CSMD1: variants seen among roughly 807,000 people sequenced by gnomAD.
The protein encoded by CSMD1 is CUB and Sushi multiple domains 1.
In CSMD1, 213 loss-of-function variants were observed where a neutral mutation model predicts 417.5. The ratio of observed to expected loss-of-function variants is 0.51; its 90% CI spans 0.46 to 0.57. The LOEUF (loss-of-function observed/expected upper bound fraction) is 0.57, where lower values mean the gene tolerates loss of function less well. CSMD1 is among the 20% of genes least tolerant of loss of function. The pLI, the probability that CSMD1 is intolerant of heterozygous loss-of-function variation, is 0.00. For missense variants in CSMD1, 6,923 were observed against 4,529.7 expected (o/e 1.53, Z -15.17); for synonymous variants, 2,862 against 1,736.8 (o/e 1.65, Z -16.11).
chr8:4,432,517 G>C (rs1055749120), intron 2 of CSMD1, among the ~76,000 whole-genome samples: 3 of 152,130 alleles, frequency 2.0e-5, no homozygotes, highest in African/African-American at 4.8e-5. Flanking sequence ...TAAATGCTCG[G>C]AGTGTGAAAA....
At chr8:3,795,005 TAA>T (rs1799964203) in intron 5 of CSMD1, among the ~76,000 whole-genome samples, 1 of 150,414 alleles carries the variant, frequency 6.6e-6, no homozygotes, top group Non-Finnish European at 1.5e-5. Context: ...TGTATAGCTA[TAA>T]ATACATATCT....
chr8:2,944,538 C>CG (rs1802090074), intron 68 of CSMD1, among the ~76,000 whole-genome samples: 1 of 152,152 alleles, frequency 6.6e-6, no homozygotes, highest in Admixed American at 6.5e-5. Flanking sequence ...AATGTTCACA[C>CG]GGACTCATAG....
chr8:4,952,179 C>T (rs10448109), intron 1 of CSMD1, among the ~76,000 whole-genome samples: 10,535 of 151,948 alleles, frequency 0.069, 492 homozygotes, highest in African/African-American at 0.13. Context: ...CTCTCCTACA[C>T]AGGAAAAGTA....
chr8:3,377,708 T>G (rs890781167), intron 18 of CSMD1, among the ~76,000 whole-genome samples: 2 of 152,176 alleles, frequency 1.3e-5, no homozygotes, highest in African/African-American at 4.8e-5. Context: ...CTGGGATGCC[T>G]GTTCACATGC....
intron 46 of CSMD1, among the ~76,000 whole-genome samples, chr8:3,105,061 C>A (rs536401137): frequency 6.6e-6 from 1 of 152,244 alleles, no homozygotes; most frequent in African/African-American, 2.4e-5. Context: ...TGCAAAACCA[C>A]TGCGAAGTCG....
In CSMD1 at chr8:2,955,737, T is replaced by C. The variant is rs34602557; in HGVS notation, c.9846A>G (p.Ala3282=). 1.2e-6 allele frequency: 2 copies of C among 1,613,910 alleles called. No homozygotes were observed. The highest frequency in any genetic ancestry group is 8.5e-7 in the Non-Finnish European group (1 of 1,179,816). ...PHACRQPETP[A]HADVRAIDLP... The stretch of plus-strand genomic sequence containing the variant: ...GATCGATGGCTCTCACATCCGCGTG[T>C]GCCGGGGTTTCTGGCTGTCTGCAGG... The change falls in exon 64 of 70, where the codon GCA becomes GCG. Residue 3282 remains alanine (A), a synonymous_variant. Coordinates refer to ENST00000635120, the MANE Select transcript of CSMD1 (RefSeq NM_033225.6).
intron 2 of CSMD1, among the ~76,000 whole-genome samples, chr8:4,427,413 G>C (rs1323276593): frequency 6.6e-6 from 1 of 151,950 alleles, no homozygotes; most frequent in East Asian, 1.9e-4. Context: ...TGGGGTCATA[G>C]AACTCTCTTG....
chr8:3,996,512 G>A (rs1585101840), intron 5 of CSMD1, among the ~76,000 whole-genome samples: 1 of 151,718 alleles, frequency 6.6e-6, no homozygotes, highest in Non-Finnish European at 1.5e-5. Context: ...TTTGCTTTTG[G>A]CAGAACCTGT....
At chr8:3,152,222 GT>G (rs1047166178) in intron 39 of CSMD1, among the ~76,000 whole-genome samples, 2 of 152,186 alleles carry the variant, frequency 1.3e-5, no homozygotes, top group African/African-American at 4.8e-5. Flanking sequence ...CGACTCACAT[GT>G]TTTGCTACTG....
At chr8:3,306,231 G>A (rs754275304) in intron 25 of CSMD1, among the ~76,000 whole-genome samples, 4 of 151,906 alleles carry the variant, frequency 2.6e-5, no homozygotes, top group Non-Finnish European at 4.4e-5. Flanking sequence ...TGGCTTTTCT[G>A]AATAAGGACA....
chr8:4,073,658 C>A (rs1344622040), intron 3 of CSMD1, among the ~76,000 whole-genome samples: 3 of 152,180 alleles, frequency 2.0e-5, no homozygotes, highest in East Asian at 3.9e-4. Flanking sequence ...GAATAATTCT[C>A]TGAAGTATAG....
chr8:3,266,622 A>AAG, intron 26 of CSMD1, among the ~76,000 whole-genome samples: 1 of 149,624 alleles, frequency 6.7e-6, no homozygotes, highest in East Asian at 2.0e-4. Context: ...AAAAAAAAAA[A>AAG]AAAAAAGCCA....
intron 9 of CSMD1, among the ~76,000 whole-genome samples, chr8:3,585,897 G>A (rs1049415859): frequency 1.3e-5 from 2 of 152,112 alleles, no homozygotes; most frequent in African/African-American, 2.4e-5. Flanking sequence ...CTCAGTATGT[G>A]TGGATTTGCT....
chr8:4,721,630 A>G (rs561483342), intron 1 of CSMD1, among the ~76,000 whole-genome samples: 35 of 152,338 alleles, frequency 2.3e-4, no homozygotes, highest in African/African-American at 8.2e-4. Flanking sequence ...GGTATAGCCA[A>G]TAATGGAAGA....
At chr8:3,284,731 G>T in intron 25 of CSMD1, 1 of 214,998 alleles carries the variant, frequency 4.7e-6, no homozygotes, top group East Asian at 1.2e-4. Context: ...AGGCAGCTTC[G>T]GTGCAGTCAG....
At chr8:4,086,610 C>A (rs1043889701) in intron 3 of CSMD1, among the ~76,000 whole-genome samples, 3 of 152,160 alleles carry the variant, frequency 2.0e-5, no homozygotes, top group Non-Finnish European at 4.4e-5. Flanking sequence ...GAATAAAGTA[C>A]AATGCAGACG....
rs775781144 is a variant in CSMD1 at position 3,367,195 on chromosome 8, T to G, written c.2952A>C (p.Leu984Phe). 6.2e-7 allele frequency: 1 copy of G among 1,613,144 alleles called. No individual in the cohort carries two copies. The highest frequency in any genetic ancestry group is 8.5e-7 in the Non-Finnish European group (1 of 1,179,708). The change falls in exon 20 of 70, where the codon TTA becomes TTC. Residue 984 changes from leucine (L) to phenylalanine (F), a missense_variant. Physicochemically the swap from Leu to Phe is conservative, Grantham distance 22. Coordinates refer to ENST00000635120, the MANE Select transcript of CSMD1 (RefSeq NM_033225.6). ...TFHLESSHDY[L>F]LITEDGSFSE... ...AAAAACTTCCATCCTCTGTGATCAG[T>G]AAATAGTCGTGGGAACTCTCAAGAT...
chr8:4,897,460 TATCTTTAAGGAGTGGTTTG>T (rs1453121824), intron 1 of CSMD1, among the ~76,000 whole-genome samples: 7 of 152,062 alleles, frequency 4.6e-5, no homozygotes, highest in Non-Finnish European at 8.8e-5. Flanking sequence ...CTGATGGGAA[TATCTTTAAGGAGTGGTTTG>T]GGTTGCTGTA....
intron 6 of CSMD1, among the ~76,000 whole-genome samples, chr8:3,722,339 A>G (rs1462878653): frequency 1.3e-5 from 2 of 152,196 alleles, no homozygotes; most frequent in East Asian, 3.8e-4. Context: ...TAATAGCTTG[A>G]GCTTTCATAA....
Sources: allele counts gnomAD v4.1 joint callset (sites outside exome capture counted in the v4.1 genomes callset), GRCh38; gene constraint gnomAD v4.1.1; transcripts MANE v1.5; gene names NCBI Gene and HGNC (gene_info 2026-07-23, HGNC 2026-07-21).